Variants in ZCCHC14 observed in about 807,000 individuals in gnomAD.
ZCCHC14 encodes zinc finger CCHC-type containing 14, also known as zinc finger CCHC domain-containing protein 14.
ZCCHC14 carries 16 observed loss-of-function variants against 85.0 expected under a neutral mutation model. The observed-to-expected ratio is 0.19, with a 90% CI of 0.13 to 0.29. ZCCHC14 has a LOEUF of 0.29. Ranked by LOEUF, ZCCHC14 falls within the 10% of genes least tolerant of loss-of-function variation. ZCCHC14 has a pLI of 1.00. For missense variants in ZCCHC14, 1,303 were observed against 1,443.5 expected (o/e 0.90, Z 1.58); for synonymous variants, 775 against 630.7 (o/e 1.23, Z -3.43).
intron 1 of ZCCHC14, among the ~76,000 whole-genome samples, chr16:87,460,656 C>T (rs1022126883): frequency 6.6e-6 from 1 of 152,052 alleles, no homozygotes; most frequent in Non-Finnish European, 1.5e-5. Flanking sequence ...TGACACTACA[C>T]TCCAGCCTGG....
intron 1 of ZCCHC14, chr16:87,467,324 G>C: frequency 6.3e-7 from 1 of 1,587,452 alleles, no homozygotes. Flanking sequence ...TGCCCCAAGC[G>C]AAAACAGAAA....
rs371800318 is a variant in ZCCHC14, at chr16:87,417,469, G to A, written c.1374C>T (p.Ser458=). Residue 458 remains serine (S), a synonymous_variant, in exon 8 of 13, where the codon TCC becomes TCT. Coordinates refer to ENST00000671377, the MANE Select transcript of ZCCHC14 (RefSeq NM_015144.3). ...HKYYPVFKQL[S]MEKFLSLTEE... is the part of the protein sequence containing the mutation. Reference sequence around the variant, plus strand: ...CAGAAAACCGACATACCTTCTCCATGGAGAGCTGCTTAAAGACGGGGTAAT... The same window carrying A: ...CAGAAAACCGACATACCTTCTCCATAGAGAGCTGCTTAAAGACGGGGTAAT... 4.3e-6 allele frequency: 7 copies of A among 1,613,866 alleles called. No individual in the cohort carries two copies. The highest frequency in any genetic ancestry group is 5.1e-6 in the Non-Finnish European group (6 of 1,179,740).
At chr16:87,435,579 C>T (rs1424648942) in intron 2 of ZCCHC14, among the ~76,000 whole-genome samples, 2 of 152,252 alleles carry the variant, frequency 1.3e-5, no homozygotes, top group Non-Finnish European at 1.5e-5. Flanking sequence ...CAACCATCCT[C>T]GCTCGCTCCC....
intron 1 of ZCCHC14, among the ~76,000 whole-genome samples, chr16:87,478,119 T>A (rs1395952453): frequency 6.6e-6 from 1 of 152,240 alleles, no homozygotes; most frequent in Non-Finnish European, 1.5e-5. Context: ...AATACACTAT[T>A]AATGGTATGC....
At chr16:87,472,251 G>C (rs1386962371) in intron 1 of ZCCHC14, 1 of 152,238 alleles carries the variant, frequency 6.6e-6, no homozygotes, top group Admixed American at 6.5e-5. Flanking sequence ...AAGTGATGTG[G>C]CATTTCCAAG....
At chr16:87,477,134 A>AC (rs1912047892) in intron 1 of ZCCHC14, among the ~76,000 whole-genome samples, 1 of 144,134 alleles carries the variant, frequency 6.9e-6, no homozygotes, top group Non-Finnish European at 1.5e-5. Context: ...AAAAAAAAAA[A>AC]AAAAAAACAA....
chr16:87,468,666 T>G (rs1258272206), intron 1 of ZCCHC14, among the ~76,000 whole-genome samples: 1 of 152,222 alleles, frequency 6.6e-6, no homozygotes, highest in Non-Finnish European at 1.5e-5. Context: ...CCTAACCTAG[T>G]GGTTCTCAAC....
chr16:87,447,340 C>T (rs1424588692), intron 2 of ZCCHC14, among the ~76,000 whole-genome samples: 1 of 151,902 alleles, frequency 6.6e-6, no homozygotes, highest in African/African-American at 2.4e-5. Flanking sequence ...TTACATAGAG[C>T]AAAATGCAGA....
At position 87,419,866 on chromosome 16, in the gene ZCCHC14, G is replaced by A. The variant is rs867251849; in HGVS notation, c.962C>T (p.Ser321Leu). 6 of 1,611,058 alleles carry A rather than the reference G, an allele frequency of 3.7e-6. No individual in the cohort carries two copies. The African/African-American group carries it at 8.0e-5, about 22-fold the overall frequency. The change falls in exon 6 of 13, where the codon TCA becomes TTA. Residue 321 changes from serine to leucine, a missense_variant. By Grantham distance (145) the Ser-to-Leu change is moderately radical. This residue lies in a region of ZCCHC14 where 389 missense variants were observed against 397.8 expected (regional missense o/e 0.98). Coordinates refer to ENST00000671377, the MANE Select transcript of ZCCHC14 (RefSeq NM_015144.3). ...ATTTTTCAACACGTGAGAAGGTAAT[G>A]AGGCCAGGTACCTAAAAGGCAAACA... The part of the protein sequence containing the change: ...DLDSGLRYLA[S>L]LPSHVLKNDH...
At chr16:87,459,109 C>G (rs1449987688) in intron 2 of ZCCHC14, among the ~76,000 whole-genome samples, 2 of 152,212 alleles carry the variant, frequency 1.3e-5, no homozygotes, top group African/African-American at 2.4e-5. Flanking sequence ...CAGGCCGCGC[C>G]TCACTACCCA....
intron 1 of ZCCHC14, among the ~76,000 whole-genome samples, chr16:87,460,765 T>C (rs185174640): frequency 1.3e-5 from 2 of 152,302 alleles, no homozygotes; most frequent in Non-Finnish European, 2.9e-5. Flanking sequence ...ACTTTTATTT[T>C]CATATTTCTT....
At chr16:87,488,858 G>A (rs1020057539) in intron 1 of ZCCHC14, among the ~76,000 whole-genome samples, 3 of 152,208 alleles carry the variant, frequency 2.0e-5, no homozygotes, top group South Asian at 2.1e-4. Flanking sequence ...GACTACAGGC[G>A]TAAGCCACCT....
At chr16:87,422,380 A>AGAGGG (rs1006597690) in intron 4 of ZCCHC14, among the ~76,000 whole-genome samples, 16 of 152,174 alleles carry the variant, frequency 1.1e-4, no homozygotes, top group African/African-American at 3.9e-4. Context: ...AGAGTCCAGG[A>AGAGGG]GAGGGGAGGA....
At chr16:87,462,924 C>G (rs753304444) in intron 1 of ZCCHC14, among the ~76,000 whole-genome samples, 1 of 151,914 alleles carries the variant, frequency 6.6e-6, no homozygotes, top group Admixed American at 6.6e-5. Context: ...CGAAATTAGC[C>G]AGGCATGGTG....
chr16:87,427,004 C>T (rs764464131), intron 3 of ZCCHC14, among the ~76,000 whole-genome samples: 3 of 152,228 alleles, frequency 2.0e-5, no homozygotes, highest in South Asian at 2.1e-4. Flanking sequence ...CCCGACGGGA[C>T]GCGGGCTCGC....
chr16:87,454,911 T>A (rs988258649), intron 2 of ZCCHC14, among the ~76,000 whole-genome samples: 32 of 152,326 alleles, frequency 2.1e-4, no homozygotes, highest in African/African-American at 7.5e-4. Context: ...ATCTGTGTCA[T>A]CTGCCGATCC....
chr16:87,438,951 T>C (rs974070148), intron 2 of ZCCHC14, among the ~76,000 whole-genome samples: 2 of 152,206 alleles, frequency 1.3e-5, no homozygotes, highest in Admixed American at 6.5e-5. Flanking sequence ...TTAGTTAAGA[T>C]GTATTTCTGG....
chr16:87,418,767 GAAC>G, intron 7 of ZCCHC14, 77 bp downstream of exon 7: 1 of 1,404,870 alleles, frequency 7.1e-7, no homozygotes, highest in Admixed American at 1.8e-5. Flanking sequence ...TTAATTCTTG[GAAC>G]AACTTTACAC....
At chr16:87,486,573 A>G (rs1230553699) in intron 1 of ZCCHC14, among the ~76,000 whole-genome samples, 1 of 152,238 alleles carries the variant, frequency 6.6e-6, no homozygotes, top group Non-Finnish European at 1.5e-5. Flanking sequence ...CTTAAGCAGC[A>G]CATGACTGTA....
Sources: gnomAD v4.1 joint callset for allele counts (sites outside exome capture counted in the v4.1 genomes callset) on GRCh38, gnomAD v4.1.1 for gene constraint, gnomAD v4.1.1 regional missense constraint, MANE v1.5 for transcripts, NCBI Gene and HGNC (gene_info 2026-07-23, HGNC 2026-07-21) for gene names.